TMEM132B: variants seen among roughly 807,000 people sequenced by gnomAD.
The protein encoded by TMEM132B is transmembrane protein 132B.
In TMEM132B, 18 loss-of-function variants were observed where a neutral mutation model predicts 90.8. That is an observed-to-expected ratio of 0.20 (90% CI 0.14 to 0.29). TMEM132B has a LOEUF of 0.29. Among genes scored for constraint, TMEM132B ranks in the 10% least tolerant of loss-of-function variants. TMEM132B has a pLI of 1.00. For missense variants in TMEM132B, 1,096 were observed against 1,326.8 expected (o/e 0.83, Z 2.70); for synonymous variants, 504 against 523.3 (o/e 0.96, Z 0.50).
intron 3 of TMEM132B, among the ~76,000 whole-genome samples, chr12:125,479,462 C>G (rs1203938702): frequency 6.6e-6 from 1 of 152,146 alleles, no homozygotes; most frequent in African/African-American, 2.4e-5. Flanking sequence ...GGCTGCAATC[C>G]TAGTCTCTGA....
At chr12:125,236,228 C>T (rs1873933363) in intron 1 of TMEM132B, among the ~76,000 whole-genome samples, 1 of 152,020 alleles carries the variant, frequency 6.6e-6, no homozygotes, top group Non-Finnish European at 1.5e-5. Context: ...TCACTGCAAC[C>T]CCCTCCTCCC....
At chr12:125,416,536 G>A (rs183724091) in intron 3 of TMEM132B, among the ~76,000 whole-genome samples, 5 of 152,368 alleles carry the variant, frequency 3.3e-5, no homozygotes, top group Admixed American at 1.3e-4. Flanking sequence ...TAGGAATGGC[G>A]GAGGCCTTCT....
intron 1 of TMEM132B, among the ~76,000 whole-genome samples, chr12:125,255,944 T>C (rs1874429957): frequency 6.6e-6 from 1 of 152,222 alleles, no homozygotes; most frequent in Admixed American, 6.5e-5. Flanking sequence ...TTTATGCTTC[T>C]GTTGTCAACC....
intron 1 of TMEM132B, among the ~76,000 whole-genome samples, chr12:125,312,609 C>T (rs923674815): frequency 6.6e-6 from 1 of 152,218 alleles, no homozygotes; most frequent in Non-Finnish European, 1.5e-5. Flanking sequence ...CTTCTGGAGC[C>T]TGCTGGGCTG....
At chr12:125,430,954 G>C (rs936369782) in intron 3 of TMEM132B, among the ~76,000 whole-genome samples, 1 of 152,110 alleles carries the variant, frequency 6.6e-6, no homozygotes, top group East Asian at 1.9e-4. Flanking sequence ...GGAGAGATGT[G>C]GGAGGAGAGC....
intron 3 of TMEM132B, among the ~76,000 whole-genome samples, chr12:125,478,154 G>A (rs1229715220): frequency 1.3e-5 from 2 of 152,178 alleles, no homozygotes; most frequent in Admixed American, 1.3e-4. Flanking sequence ...CCACAAAGAT[G>A]GGGAGAAACC....
intron 2 of TMEM132B, among the ~76,000 whole-genome samples, chr12:125,398,529 G>A (rs190267054): frequency 4.0e-4 from 61 of 152,316 alleles, no homozygotes; most frequent in African/African-American, 1.4e-3. Context: ...AGGGACTGGC[G>A]GTGGGGGGGA....
At chr12:125,527,144 A>G (rs1883493029) in intron 4 of TMEM132B, among the ~76,000 whole-genome samples, 2 of 124,608 alleles carry the variant, frequency 1.6e-5, no homozygotes, top group Admixed American at 8.2e-5. Context: ...TTACCCTTCT[A>G]TCCACCCATC....
At chr12:125,238,184 A>T (rs888581625) in intron 1 of TMEM132B, among the ~76,000 whole-genome samples, 1 of 151,524 alleles carries the variant, frequency 6.6e-6, no homozygotes, top group Non-Finnish European at 1.5e-5. Context: ...AGGTTATTGC[A>T]TATTTTCTCT....
intron 6 of TMEM132B, among the ~76,000 whole-genome samples, chr12:125,645,105 C>G (rs1195518074): frequency 6.6e-6 from 1 of 151,176 alleles, no homozygotes; most frequent in Non-Finnish European, 1.5e-5. Context: ...ATAGTCCCAG[C>G]TACTCGGGAA....
chr12:125,193,250 G>A (rs1374744404), intron 1 of TMEM132B, among the ~76,000 whole-genome samples: 1 of 152,182 alleles, frequency 6.6e-6, no homozygotes, highest in African/African-American at 2.4e-5. Flanking sequence ...GGGACACTGA[G>A]GCTCAGAGGA....
intron 5 of TMEM132B, among the ~76,000 whole-genome samples, chr12:125,609,198 T>A (rs1296443119): frequency 6.6e-6 from 1 of 152,154 alleles, no homozygotes; most frequent in Non-Finnish European, 1.5e-5. Flanking sequence ...GGATTACAAT[T>A]CAAGGTGATA....
At chr12:125,279,512 G>A (rs1458541466) in intron 1 of TMEM132B, among the ~76,000 whole-genome samples, 1 of 152,204 alleles carries the variant, frequency 6.6e-6, no homozygotes, top group Non-Finnish European at 1.5e-5. Flanking sequence ...CCTGGGCACT[G>A]AGTCTCTGAT....
At chr12:125,422,526 C>T (rs899123489) in intron 3 of TMEM132B, among the ~76,000 whole-genome samples, 1 of 152,222 alleles carries the variant, frequency 6.6e-6, no homozygotes, top group African/African-American at 2.4e-5. Flanking sequence ...AGCATGCCCC[C>T]TCAAAAGACA....
intron 4 of TMEM132B, among the ~76,000 whole-genome samples, chr12:125,555,702 TTAAAG>T (rs891744329): frequency 2.3e-5 from 3 of 132,134 alleles, no homozygotes; most frequent in South Asian, 2.4e-4. Context: ...ACCCTAGAAC[TTAAAG>T]TATAGTAAAA....
intron 2 of TMEM132B, among the ~76,000 whole-genome samples, chr12:125,397,939 G>A (rs1408022781): frequency 6.6e-6 from 1 of 152,228 alleles, no homozygotes; most frequent in East Asian, 1.9e-4. Context: ...TAGGAAAGTT[G>A]CTTCCTGTTC....
intron 2 of TMEM132B, among the ~76,000 whole-genome samples, chr12:125,357,301 A>C (rs1490202092): frequency 1.3e-5 from 2 of 152,184 alleles, no homozygotes; most frequent in Non-Finnish European, 2.9e-5. Flanking sequence ...TAATCAAACA[A>C]TGGGCTATGC....
At chr12:125,359,736 C>T (rs749315431) in intron 2 of TMEM132B, among the ~76,000 whole-genome samples, 14 of 152,278 alleles carry the variant, frequency 9.2e-5, no homozygotes, top group South Asian at 2.1e-4. Context: ...CAGAAGTTCA[C>T]GAAACTCCCG....
chr12:125,404,069 C>T (rs1879395866), intron 2 of TMEM132B, among the ~76,000 whole-genome samples: 1 of 152,162 alleles, frequency 6.6e-6, no homozygotes, highest in Admixed American at 6.5e-5. Context: ...TGCATGAGAG[C>T]TGAACAGGGT....
Sources: gnomAD v4.1 joint callset for allele counts (sites outside exome capture counted in the v4.1 genomes callset) on GRCh38, gnomAD v4.1.1 for gene constraint, MANE v1.5 for transcripts, NCBI Gene and HGNC (gene_info 2026-07-23, HGNC 2026-07-21) for gene names.